MMP2: variants seen among roughly 807,000 people sequenced by gnomAD.
MMP2 encodes 72 kDa type IV collagenase.
In MMP2, 39 loss-of-function variants were observed where a neutral mutation model predicts 74.8. The ratio of observed to expected loss-of-function variants is 0.52; its 90% CI spans 0.40 to 0.68. The LOEUF (loss-of-function observed/expected upper bound fraction) is 0.68, where lower values mean the gene tolerates loss of function less well. Among genes scored for constraint, MMP2 ranks in the 30% least tolerant of loss-of-function variants. The pLI is 0.00. For synonymous variants in MMP2, 367 were observed against 339.8 expected, an observed-to-expected ratio of 1.08 and a Z score of -0.88; for missense variants, 803 against 878.3, an observed-to-expected ratio of 0.91 and a Z score of 1.08.
At chr16:55,494,645 G>A (rs1962491337) in intron 9 of MMP2, among the ~76,000 whole-genome samples, 1 of 152,210 alleles carries the variant, frequency 6.6e-6, no homozygotes, top group Admixed American at 6.5e-5. Context: ...GGAACTCTGG[G>A]GCTAGGCCCC....
chr16:55,482,335 C>A (rs1297331074), intron 1 of MMP2, among the ~76,000 whole-genome samples: 1 of 152,136 alleles, frequency 6.6e-6, no homozygotes, highest in East Asian at 1.9e-4. Flanking sequence ...CTGTCTACTG[C>A]CAGAGCCCAT....
Position 55,485,773 on chromosome 16 carries a change from T to C in MMP2, c.828T>C (p.His276=), listed in dbSNP as rs779262914. ...ATGGCAAGTACGGCTTCTGTCCCCA[T>C]GAAGGTGAGCATCCACTCTAGTCCC... is the stretch of plus-strand genomic sequence containing the variant. The part of the protein sequence containing the change: ...EKDGKYGFCP[H]EALFTMGGNA... Residue 276 remains histidine, a synonymous_variant, in exon 5 of 13, where the codon CAT becomes CAC. Coordinates refer to ENST00000219070, the MANE Select transcript of MMP2 (RefSeq NM_004530.6). 6.2e-7 allele frequency: 1 copy of C among 1,613,456 alleles called. No individual in the cohort carries two copies. Among genetic ancestry groups the C allele is most frequent in the Admixed American group, 1.7e-5 (1 of 60,022 alleles).
At chr16:55,482,842 C>A in intron 1 of MMP2, 67 bp from the exon 2 acceptor site, 2 of 1,366,038 alleles carry the variant, frequency 1.5e-6, no homozygotes, top group Non-Finnish European at 2.1e-6. Context: ...ATTGCTACAG[C>A]CTGCTTTGGT....
chr16:55,485,912 T>A, intron 5 of MMP2, 135 bp downstream of exon 5: 2 of 873,126 alleles, frequency 2.3e-6, no homozygotes, highest in Admixed American at 2.0e-5. Context: ...CCAACGTCCT[T>A]CACTCAGTTC....
chr16:55,496,162 C>A (rs1055722022), intron 9 of MMP2, among the ~76,000 whole-genome samples: 1 of 152,200 alleles, frequency 6.6e-6, no homozygotes, highest in African/African-American at 2.4e-5. Context: ...ATCTGTAGAT[C>A]TCTGTAAGGA....
chr16:55,480,271 G>T (rs941476352), intron 1 of MMP2, among the ~76,000 whole-genome samples: 11 of 152,188 alleles, frequency 7.2e-5, no homozygotes, highest in African/African-American at 2.7e-4. Context: ...GGAAGTGATT[G>T]GGGCAGGAGG....
At position 55,484,158 on chromosome 16, in the gene MMP2, C is replaced by T. The variant is rs750166751; in HGVS notation, c.523C>T (p.Arg175Cys). The T allele has an allele frequency of 1.1e-5, 18 of 1,613,846 alleles. No homozygotes were observed. The highest frequency in any genetic ancestry group is 3.3e-5 in the South Asian group (3 of 91,068). ...GGCAGACATCATGATCAACTTTGGC[C>T]GCTGGGGTAGGCAGAAGATGGGGCA... ...GEADIMINFG[R>C]WEHGDGYPFD... The change falls in exon 3 of 13, where the codon CGC becomes TGC. Residue 175 changes from arginine (R) to cysteine (C), a missense_variant. By Grantham distance (180) the Arg-to-Cys change is radical. This residue lies in a region of MMP2 where 223 missense variants were observed against 232.8 expected (regional missense o/e 0.96). Coordinates refer to ENST00000219070, the MANE Select transcript of MMP2 (RefSeq NM_004530.6).
chr16:55,489,263 C>T (rs1356866528), intron 6 of MMP2, among the ~76,000 whole-genome samples: 6 of 152,220 alleles, frequency 3.9e-5, no homozygotes, highest in Admixed American at 1.3e-4. Context: ...CCCAAGGGGG[C>T]TCACAGCTGA....
rs182131824 is a variant in MMP2 at position 55,495,974 on chromosome 16, G to T, written c.1473-952G>T. On this transcript the variant is annotated intron_variant, in intron 9 of 12. Transcript: ENST00000219070. ...ACCCCCAGATGTGAAATACAAGTCT[G>T]TGTGTTCCGTCTTTACACCACTGTA... is the stretch of plus-strand genomic sequence containing the variant. Among the ~76,000 whole-genome samples the T allele has an allele frequency of 3.8e-3, 574 of 152,334 alleles. 4 individuals carry two copies. The highest frequency in any genetic ancestry group is 0.013 in the African/African-American group (537 of 41,586).
chr16:55,493,702 A>C (rs1349716999), intron 9 of MMP2, among the ~76,000 whole-genome samples: 4 of 152,358 alleles, frequency 2.6e-5, no homozygotes, highest in Non-Finnish European at 5.9e-5. Flanking sequence ...GCCAATCCCA[A>C]GACCTACCCT....
At chr16:55,493,133 G>A in intron 8 of MMP2, 25 bp from the exon 9 acceptor site, 1 of 1,612,762 alleles carries the variant, frequency 6.2e-7, no homozygotes, top group Non-Finnish European at 8.5e-7. Context: ...GCTGCAGAGA[G>A]TCTAAGGTCA....
chr16:55,484,280 A>G (rs1370211615), intron 3 of MMP2, 116 bp downstream of exon 3: 8 of 1,243,734 alleles, frequency 6.4e-6, no homozygotes, highest in Admixed American at 4.0e-5. Flanking sequence ...AGGACAGTAG[A>G]TGGTGTGGGC....
At chr16:55,495,602 C>T (rs1366437563) in intron 9 of MMP2, among the ~76,000 whole-genome samples, 1 of 152,194 alleles carries the variant, frequency 6.6e-6, no homozygotes, top group East Asian at 1.9e-4. Flanking sequence ...TGAATCCTAA[C>T]CTCTCTGAGC....
chr16:55,483,923 AC>A, intron 2 of MMP2, 92 bp from the exon 3 acceptor site: 1 of 1,419,696 alleles, frequency 7.0e-7, no homozygotes, highest in Non-Finnish European at 9.9e-7. Flanking sequence ...ACACACTCAA[AC>A]TTTTTCATAC....
At chr16:55,501,778 G>A (rs2142372668) in intron 11 of MMP2, among the ~76,000 whole-genome samples, 1 of 152,214 alleles carries the variant, frequency 6.6e-6, no homozygotes, top group African/African-American at 2.4e-5. Flanking sequence ...CCCCCTAGGA[G>A]GCACTGTGGA....
chr16:55,497,605 T>C (rs745506210), intron 10 of MMP2, among the ~76,000 whole-genome samples: 1 of 152,208 alleles, frequency 6.6e-6, no homozygotes, highest in Non-Finnish European at 1.5e-5. Flanking sequence ...TCAAAATGAA[T>C]TCACTGAAAG....
At chr16:55,492,355 G>T (rs185268884) in intron 8 of MMP2, among the ~76,000 whole-genome samples, 2 of 152,238 alleles carry the variant, frequency 1.3e-5, no homozygotes, top group East Asian at 3.9e-4. Flanking sequence ...GGGGGTGGAA[G>T]TTTCTAGTTT....
intron 8 of MMP2, 27 bp downstream of exon 8, chr16:55,491,983 TGGAGGGTGA>T: frequency 4.7e-6 from 5 of 1,061,186 alleles, no homozygotes; most frequent in East Asian, 3.7e-5. Flanking sequence ...GGGTTGGGGG[TGGAGGGTGA>T]GGAGGGGGGA....
chr16:55,497,133 G>A, intron 10 of MMP2, 71 bp downstream of exon 10: 1 of 1,604,694 alleles, frequency 6.2e-7, no homozygotes, highest in Non-Finnish European at 8.5e-7. Context: ...GGGTGTCCCA[G>A]GCTCACTCCC....
Sources: allele counts gnomAD v4.1 joint callset (sites outside exome capture counted in the v4.1 genomes callset), GRCh38; gene constraint gnomAD v4.1.1; regional missense constraint gnomAD v4.1.1; transcripts MANE v1.5; gene names NCBI Gene and HGNC (gene_info 2026-07-23, HGNC 2026-07-21).